The following ADAMTS2 variants were observed in gnomAD, a reference collection of about 807,000 sequenced individuals.
The protein encoded by ADAMTS2 is A disintegrin and metalloproteinase with thrombospondin motifs 2.
A neutral mutation model predicts 123.0 loss-of-function variants in ADAMTS2; 50 were observed. The ratio of observed to expected loss-of-function variants is 0.41; its 90% CI spans 0.32 to 0.51. The LOEUF (loss-of-function observed/expected upper bound fraction) is 0.51, where lower values mean the gene tolerates loss of function less well. ADAMTS2 is among the 20% of genes least tolerant of loss of function. ADAMTS2 has a pLI of 0.35. For synonymous variants in ADAMTS2, 678 were observed against 695.4 expected (o/e 0.98, Z 0.39); for missense variants, 1,494 against 1,705.2 (o/e 0.88, Z 2.18).
intron 3 of ADAMTS2, among the ~76,000 whole-genome samples, chr5:179,213,497 T>G (rs59619961): frequency 0.062 from 9,354 of 151,746 alleles, 877 homozygotes; most frequent in African/African-American, 0.2. Flanking sequence ...GGCAGAGAGG[T>G]GCTCTGGGAA....
rs1429183298 is a variant in ADAMTS2 at position 179,137,775 on chromosome 5, G to A, written c.1945C>T (p.Arg649Trp). 52 of 1,339,290 alleles carry A rather than the reference G, an allele frequency of 3.9e-5. No homozygotes were observed. Among genetic ancestry groups the A allele is most frequent in the Middle Eastern group, 2.8e-4 (1 of 3,580 alleles). 83.0% of individuals were successfully genotyped at this position (1,339,290 alleles called of 1,614,324 possible). ...AQHHWLPHEHRDAKERCHLYC... is the reference protein window; with the variant it reads ...AQHHWLPHEHWDAKERCHLYC... Reference sequence around the variant, plus strand: ...GCCTCCCAGAAGGGCTCACCATCCCGGTGCTCGTGGGGCAGCCAGTGGTGC... The same window carrying A: ...GCCTCCCAGAAGGGCTCACCATCCCAGTGCTCGTGGGGCAGCCAGTGGTGC... Residue 649 changes from arginine to tryptophan, a missense_variant, in exon 12 of 22, where the codon CGG (arginine) becomes TGG (tryptophan). This residue lies in a region of ADAMTS2 where 953 missense variants were observed against 1,124.7 expected (regional missense o/e 0.85). Transcript: ENST00000251582.
intron 3 of ADAMTS2, among the ~76,000 whole-genome samples, chr5:179,212,351 C>T (rs420527): frequency 2.9e-4 from 9 of 31,350 alleles, no homozygotes; most frequent in African/African-American, 5.8e-4. Flanking sequence ...TCAGTGGGCA[C>T]GTGTGGGCCC....
At chr5:179,152,957 C>A (rs755263702) in intron 9 of ADAMTS2, among the ~76,000 whole-genome samples, 1 of 152,194 alleles carries the variant, frequency 6.6e-6, no homozygotes, top group African/African-American at 2.4e-5. Flanking sequence ...TGCTTCTTTC[C>A]TTCATGCAGC....
At chr5:179,309,956 GCC>G (rs1406206276) in intron 2 of ADAMTS2, among the ~76,000 whole-genome samples, 1 of 151,360 alleles carries the variant, frequency 6.6e-6, no homozygotes, top group Non-Finnish European at 1.5e-5. Flanking sequence ...TGTCCTCCCT[GCC>G]CCACCCCTGC....
In ADAMTS2 at chr5:179,317,792, G is replaced by A. The variant is rs1009939447; in HGVS notation, c.534+25975C>T. Among the ~76,000 whole-genome samples the A allele has an allele frequency of 2.0e-5, 3 of 152,196 alleles. No individual in the cohort carries two copies. Among genetic ancestry groups the A allele is most frequent in the African/African-American group, 2.4e-5 (1 of 41,452 alleles). The stretch of plus-strand genomic sequence containing the variant: ...CTGAGACTCCCTGGCCAGACTCATC[G>A]CCAGCTGGGGAGAGTGGAGCAGACG... On this transcript the variant is annotated intron_variant, in intron 2 of 21. Transcript: ENST00000251582. This position sits in a 1 kb window ranked among gnomAD's most constrained non-coding sequence, Gnocchi z 4.9.
At chr5:179,318,824 C>A (rs550997562) in intron 2 of ADAMTS2, among the ~76,000 whole-genome samples, 6 of 152,310 alleles carry the variant, frequency 3.9e-5, no homozygotes, top group Middle Eastern at 3.4e-3. Flanking sequence ...GAGGCGGGGC[C>A]CCGAAGGGTC....
intron 6 of ADAMTS2, among the ~76,000 whole-genome samples, chr5:179,156,012 T>C (rs997086946): frequency 6.6e-6 from 1 of 152,238 alleles, no homozygotes; most frequent in Non-Finnish European, 1.5e-5. Flanking sequence ...TTTTTTGCTC[T>C]GCAGATTTTG....
rs1381660476 is a variant in ADAMTS2 at position 179,307,349 on chromosome 5, G to A, written c.535-34285C>T. Among the ~76,000 whole-genome samples the A allele has an allele frequency of 6.6e-6, 1 of 152,130 alleles. No homozygotes were observed. Among genetic ancestry groups the A allele is most frequent in the Non-Finnish European group, 1.5e-5 (1 of 68,012 alleles). ...GGGCTCGAGCACCCGGCCAACCCTGGGTGGCCACTGCTCAGCACTCCAGGA... is the reference window on the plus strand; with the variant it reads ...GGGCTCGAGCACCCGGCCAACCCTGAGTGGCCACTGCTCAGCACTCCAGGA... On this transcript the variant is annotated intron_variant, in intron 2 of 21. Transcript: ENST00000251582. The surrounding 1 kb of genome is among the most constrained non-coding windows in gnomAD (Gnocchi z 5.6).
In ADAMTS2 at chr5:179,329,252, A is replaced by G. The variant is rs531943781; in HGVS notation, c.534+14515T>C. Among the ~76,000 whole-genome samples, 97 of 150,472 alleles carry G rather than the reference A, an allele frequency of 6.4e-4. 1 individual carries two copies. The East Asian group carries it at 0.011, about 18-fold the overall frequency. ...TGAAGCAGGAGAATGGCGTGAACCC[A>G]GGAGGCAGAGCTTGCAGTGAGCCGA... is the stretch of plus-strand genomic sequence containing the variant. On this transcript the variant is annotated intron_variant, in intron 2 of 21. Transcript: ENST00000251582.
At chr5:179,280,788 C>T (rs1766875960) in intron 2 of ADAMTS2, among the ~76,000 whole-genome samples, 1 of 152,178 alleles carries the variant, frequency 6.6e-6, no homozygotes, top group Admixed American at 6.5e-5. Flanking sequence ...ACTGAGACTC[C>T]CCTCGACTCA....
chr5:179,293,270 G>A (rs971149884), intron 2 of ADAMTS2, among the ~76,000 whole-genome samples: 6 of 152,270 alleles, frequency 3.9e-5, no homozygotes, highest in African/African-American at 1.4e-4. Context: ...AGCGGCCTGT[G>A]CCTTCCTTGA....
rs1368442515 is a variant in ADAMTS2, at chr5:179,317,587, G to C, written c.534+26180C>G. Among the ~76,000 whole-genome samples, 1 of 152,216 alleles carries C rather than the reference G, an allele frequency of 6.6e-6. No individual in the cohort carries two copies. Among genetic ancestry groups the C allele is most frequent in the Admixed American group, 6.5e-5 (1 of 15,286 alleles). ...CTGCTGCCCAGACCATGGGTGGCCA[G>C]CAGCACTGCAGTGTTGGTGTAATCT... On this transcript the variant is annotated intron_variant, in intron 2 of 21. Transcript: ENST00000251582. This position sits in a 1 kb window ranked among gnomAD's most constrained non-coding sequence, Gnocchi z 4.9.
intron 2 of ADAMTS2, among the ~76,000 whole-genome samples, chr5:179,284,665 G>A (rs1755966836): frequency 6.6e-6 from 1 of 152,172 alleles, no homozygotes; most frequent in African/African-American, 2.4e-5. Context: ...GGGATTACAG[G>A]TGTGAACCAC....
At chr5:179,341,125 G>A (rs1218214259) in intron 2 of ADAMTS2, among the ~76,000 whole-genome samples, 1 of 152,216 alleles carries the variant, frequency 6.6e-6, no homozygotes, top group African/African-American at 2.4e-5. Context: ...GACAAGAGGT[G>A]CCCTGTGTAA....
intron 7 of ADAMTS2, 51 bp downstream of exon 7, chr5:179,154,763 G>A: frequency 6.8e-7 from 1 of 1,462,360 alleles, no homozygotes; most frequent in Non-Finnish European, 9.4e-7. Flanking sequence ...AGCCAGGGCT[G>A]GGGATCCTAG....
Position 179,314,053 on chromosome 5 carries a change from T to C in ADAMTS2, c.534+29714A>G, listed in dbSNP as rs191918103. Reference sequence around the variant, plus strand: ...CCAGGAGTTCCCAGGCAGAACCTGATGGTGGGGCGGGGGGGTTCCTCACAC... The same window carrying C: ...CCAGGAGTTCCCAGGCAGAACCTGACGGTGGGGCGGGGGGGTTCCTCACAC... On this transcript the variant is annotated intron_variant, in intron 2 of 21. Transcript: ENST00000251582. This position sits in a 1 kb window ranked among gnomAD's most constrained non-coding sequence, Gnocchi z 4.5. Among the ~76,000 whole-genome samples, 223 of 140,294 alleles carry C rather than the reference T, an allele frequency of 1.6e-3. 2 individuals are homozygous for C. Among genetic ancestry groups the C allele is most frequent in the African/African-American group, 5.1e-3 (187 of 36,654 alleles). The allele number at this position is 140,294 out of a possible 152,430, so 92.0% of individuals were successfully genotyped here.
At position 179,153,536 on chromosome 5, in the gene ADAMTS2, C is replaced by CTCGT; in HGVS notation, c.1466_1469dup (p.Gln491ArgfsTer6). On this transcript the variant is annotated frameshift_variant, in exon 9 of 22. Coordinates refer to ENST00000251582, the MANE Select transcript of ADAMTS2 (RefSeq NM_014244.5). LOFTEE classifies it high-confidence loss of function. ...CCAGGCCGAAGTCAAAGCGGCATTGCTCGTTCATGGAGTAGTGCAGTCCCG... is the reference window on the plus strand; with the variant it reads ...CCAGGCCGAAGTCAAAGCGGCATTGCTCGTTCGTTCATGGAGTAGTGCAGTCCCG... 6.2e-7 allele frequency: 1 copy of CTCGT among 1,610,944 alleles called. No homozygotes were observed. Among genetic ancestry groups the CTCGT allele is most frequent in the Non-Finnish European group, 8.5e-7 (1 of 1,179,868 alleles).
At position 179,158,909 on chromosome 5, in the gene ADAMTS2, A is replaced by G; in HGVS notation, c.976-30T>C. The G allele has an allele frequency of 6.2e-7, 1 of 1,611,990 alleles. No homozygotes were observed. On this transcript the variant is annotated intron_variant, in intron 5 of 21. Coordinates refer to ENST00000251582, the MANE Select transcript of ADAMTS2 (RefSeq NM_014244.5). This position sits in a 1 kb window ranked among gnomAD's most constrained non-coding sequence, Gnocchi z 5.0. ...AGGGGGATGGAGAGAAATGGAAGAGAGAGGTTGGCGCCTGGTGGCCCAGTG... is the reference window on the plus strand; with the variant it reads ...AGGGGGATGGAGAGAAATGGAAGAGGGAGGTTGGCGCCTGGTGGCCCAGTG...
At chr5:179,227,875 G>A (rs1765322793) in intron 3 of ADAMTS2, among the ~76,000 whole-genome samples, 1 of 152,118 alleles carries the variant, frequency 6.6e-6, no homozygotes, top group Non-Finnish European at 1.5e-5. Flanking sequence ...TGGAGAGGGA[G>A]CCAGGAAGGA....
Sources: gnomAD v4.1 joint callset for allele counts (sites outside exome capture counted in the v4.1 genomes callset) on GRCh38, gnomAD v4.1.1 for gene constraint, gnomAD v4.1.1 regional missense constraint, Gnocchi (gnomAD v3.1) non-coding constraint, MANE v1.5 for transcripts, NCBI Gene and HGNC (gene_info 2026-07-23, HGNC 2026-07-21) for gene names.